MED27: variants seen among roughly 807,000 people sequenced by gnomAD.
MED27 encodes the protein mediator of RNA polymerase II transcription subunit 27.
In MED27, 30 loss-of-function variants were observed where a neutral mutation model predicts 38.2. The ratio of observed to expected loss-of-function variants is 0.79; its 90% CI spans 0.59 to 1.07. MED27 has a LOEUF of 1.07. MED27 is among the 50% of genes least tolerant of loss of function. The pLI is 0.00. For missense variants in MED27, 289 were observed against 397.5 expected (o/e 0.73, Z 2.32); for synonymous variants, 122 against 153.5 (o/e 0.79, Z 1.52).
At chr9:131,874,310 C>T (rs528325543) in intron 6 of MED27, among the ~76,000 whole-genome samples, 18 of 152,306 alleles carry the variant, frequency 1.2e-4, no homozygotes, top group African/African-American at 4.1e-4. Flanking sequence ...TGCACACCCC[C>T]GCCGGGCACT....
intron 3 of MED27, among the ~76,000 whole-genome samples, chr9:131,959,505 GGCCC>G (rs1831170771): frequency 1.3e-5 from 2 of 152,128 alleles, no homozygotes; most frequent in African/African-American, 2.4e-5. Flanking sequence ...ATTCCATCCT[GGCCC>G]TCCTCCTTGT....
intron 3 of MED27, among the ~76,000 whole-genome samples, chr9:131,945,960 CTA>C (rs1415069679): frequency 7.1e-6 from 1 of 140,820 alleles, no homozygotes; most frequent in Non-Finnish European, 1.5e-5. Context: ...AAATCAGACC[CTA>C]TCTCTTAAAA....
At position 131,913,410 on chromosome 9, in the gene MED27, G is replaced by A. The variant is rs749953617; in HGVS notation, c.574-19418C>T. On this transcript the variant is annotated intron_variant, in intron 4 of 7. Transcript: ENST00000292035. This position sits in a 1 kb window ranked among gnomAD's most constrained non-coding sequence, Gnocchi z 4.5. Reference sequence around the variant, plus strand: ...TCTATAAAACAGTGATAACATCTTCGGCTGACGGGTGAGTGTGAACATCAA... The same window carrying A: ...TCTATAAAACAGTGATAACATCTTCAGCTGACGGGTGAGTGTGAACATCAA... Among the ~76,000 whole-genome samples, 1 of 152,130 alleles carries A rather than the reference G, an allele frequency of 6.6e-6. No homozygotes were observed. Among genetic ancestry groups the A allele is most frequent in the Non-Finnish European group, 1.5e-5 (1 of 68,030 alleles).
rs13301702 is a variant in MED27, at chr9:131,982,870, A to G, written c.479+31467T>C. On this transcript the variant is annotated intron_variant, in intron 3 of 7. Transcript: ENST00000292035. This position sits in a 1 kb window ranked among gnomAD's most constrained non-coding sequence, Gnocchi z 4.3. ...GGCTGTGCTCAATAAAACTCTGTTT[A>G]CAGAAACGGGTAGTAGGCTAGTGGG... is the stretch of plus-strand genomic sequence containing the variant. 0.03 allele frequency among the ~76,000 whole-genome samples: 4,639 copies of G among 152,340 alleles called. 107 individuals carry two copies. Among genetic ancestry groups the G allele is most frequent in the Middle Eastern group, 0.13 (37 of 294 alleles).
At chr9:132,062,263 T>C (rs1833711995) in intron 2 of MED27, among the ~76,000 whole-genome samples, 1 of 152,198 alleles carries the variant, frequency 6.6e-6, no homozygotes, top group Admixed American at 6.5e-5. Flanking sequence ...GTCCAGGTAA[T>C]CAGTACCTAC....
intron 4 of MED27, among the ~76,000 whole-genome samples, chr9:131,894,833 G>T (rs944213668): frequency 3.9e-5 from 6 of 152,050 alleles, no homozygotes; most frequent in Admixed American, 6.6e-5. Flanking sequence ...GCCTAGTGGG[G>T]GGTGTTTGGG....
chr9:131,973,883 A>AT (rs542563287), intron 3 of MED27, among the ~76,000 whole-genome samples: 19,820 of 132,736 alleles, frequency 0.15, 1,403 homozygotes, highest in South Asian at 0.2. Flanking sequence ...GATTTTTTCT[A>AT]TTTTTTTTTT....
chr9:131,863,410 G>A (rs1838683849), intron 6 of MED27, among the ~76,000 whole-genome samples: 1 of 152,238 alleles, frequency 6.6e-6, no homozygotes, highest in African/African-American at 2.4e-5. Flanking sequence ...CCAGGCTGGA[G>A]CACTGGCAGA....
At chr9:131,911,732 G>GAGT (rs1242616345) in intron 4 of MED27, among the ~76,000 whole-genome samples, 7 of 152,218 alleles carry the variant, frequency 4.6e-5, no homozygotes, top group African/African-American at 1.7e-4. Context: ...CAAAGATGCA[G>GAGT]AGTACCTAGC....
chr9:132,022,739 A>T (rs1407014286), intron 2 of MED27, among the ~76,000 whole-genome samples: 2 of 152,132 alleles, frequency 1.3e-5, no homozygotes, highest in African/African-American at 4.8e-5. Context: ...ACATGACTGG[A>T]GAGGCCTCAG....
chr9:131,908,187 C>T (rs1830110398), intron 4 of MED27, among the ~76,000 whole-genome samples: 1 of 8,760 alleles, frequency 1.1e-4, no homozygotes, highest in African/African-American at 4.6e-4. Flanking sequence ...GCGCCTCTGC[C>T]CGGCCGCCCT....
intron 6 of MED27, among the ~76,000 whole-genome samples, chr9:131,866,605 T>C (rs543646875): frequency 6.3e-4 from 96 of 152,360 alleles, no homozygotes; most frequent in Non-Finnish European, 1.1e-3. Context: ...CCATCCCTTC[T>C]AGCAGTGACG....
intron 4 of MED27, among the ~76,000 whole-genome samples, chr9:131,908,538 ATTC>A (rs1458051732): frequency 1.3e-5 from 2 of 152,180 alleles, no homozygotes; most frequent in African/African-American, 2.4e-5. Context: ...ACTAAGAAAA[ATTC>A]TTCTGCCTTG....
At chr9:131,991,575 A>G (rs894565412) in intron 3 of MED27, among the ~76,000 whole-genome samples, 2 of 152,250 alleles carry the variant, frequency 1.3e-5, no homozygotes, top group African/African-American at 4.8e-5. Context: ...ACCACACTTA[A>G]CATACATAAA....
At chr9:132,011,863 T>C (rs1376411183) in intron 3 of MED27, among the ~76,000 whole-genome samples, 1 of 152,254 alleles carries the variant, frequency 6.6e-6, no homozygotes, top group East Asian at 1.9e-4. Context: ...GTTGTATTCT[T>C]AGGACACAGT....
chr9:131,986,515 C>G (rs1401315616), intron 3 of MED27, among the ~76,000 whole-genome samples: 1 of 152,012 alleles, frequency 6.6e-6, no homozygotes, highest in Non-Finnish European at 1.5e-5. Context: ...AGTATTTTTA[C>G]TATACATTTA....
chr9:131,919,490 C>T (rs917152747), intron 4 of MED27, among the ~76,000 whole-genome samples: 2 of 152,016 alleles, frequency 1.3e-5, no homozygotes, highest in African/African-American at 4.8e-5. Flanking sequence ...AGTTTGAACT[C>T]TCAAGTCAGA....
chr9:131,917,505 G>GAGACGGCTGGAGCAAGGGTTC lies in MED27; in HGVS notation c.573+21855_573+21875dup, dbSNP rs1335856872. ...AAAGCAGGTAGACCAGGAGACCAAT[G>GAGACGGCTGGAGCAAGGGTTC]AGACGGCTGGAGCAAGGGTTCAGAC... On this transcript the variant is annotated intron_variant, in intron 4 of 7. Coordinates refer to ENST00000292035, the MANE Select transcript of MED27 (RefSeq NM_004269.4). The surrounding 1 kb of genome is among the most constrained non-coding windows in gnomAD (Gnocchi z 4.6). Among the ~76,000 whole-genome samples the GAGACGGCTGGAGCAAGGGTTC allele has an allele frequency of 6.6e-6, 1 of 152,102 alleles. No homozygotes were observed. The highest frequency in any genetic ancestry group is 1.9e-4 in the East Asian group (1 of 5,182).
At chr9:132,022,971 T>C (rs1316032585) in intron 2 of MED27, among the ~76,000 whole-genome samples, 1 of 152,054 alleles carries the variant, frequency 6.6e-6, no homozygotes, top group Non-Finnish European at 1.5e-5. Context: ...AGAGATGAGA[T>C]TTGGGTGGGG....
Sources: allele counts gnomAD v4.1 joint callset (sites outside exome capture counted in the v4.1 genomes callset), GRCh38; gene constraint gnomAD v4.1.1; non-coding constraint Gnocchi (gnomAD v3.1); transcripts MANE v1.5; gene names NCBI Gene and HGNC (gene_info 2026-07-23, HGNC 2026-07-21).